The following ACKR2 variants were observed in gnomAD, a reference collection of about 807,000 sequenced individuals.
ACKR2 encodes the protein C-C chemokine receptor D6.
For missense variants in ACKR2, 457 were observed against 477.3 expected, an observed-to-expected ratio of 0.96 and a Z score of 0.40; for synonymous variants, 207 against 192.2, an observed-to-expected ratio of 1.08 and a Z score of -0.64.
intron 2 of ACKR2, among the ~76,000 whole-genome samples, chr3:42,862,416 G>A (rs1447977713): frequency 2.6e-5 from 4 of 152,092 alleles, no homozygotes; most frequent in South Asian, 4.1e-4. Flanking sequence ...AATGAATATC[G>A]TGAAAATGGC....
intron 2 of ACKR2, among the ~76,000 whole-genome samples, chr3:42,825,858 T>TTTG (rs1487775247): frequency 2.6e-4 from 26 of 100,444 alleles, no homozygotes; most frequent in South Asian, 7.5e-4. Context: ...TGGGTTTTTT[T>TTTG]TTTTTTGTTT....
chr3:42,813,666 G>C (rs887539947), intron 1 of ACKR2, among the ~76,000 whole-genome samples: 2 of 152,218 alleles, frequency 1.3e-5, no homozygotes, highest in African/African-American at 4.8e-5. Context: ...AATTTGACTT[G>C]AGATTTGGGT....
intron 2 of ACKR2, among the ~76,000 whole-genome samples, chr3:42,822,580 C>T (rs1345139638): frequency 2.6e-5 from 4 of 151,994 alleles, no homozygotes; most frequent in Admixed American, 1.3e-4. Context: ...AGGCTGGGTG[C>T]GGTGGCTCAC....
intron 2 of ACKR2, among the ~76,000 whole-genome samples, chr3:42,838,511 C>T (rs1701005664): frequency 6.6e-6 from 1 of 150,784 alleles, no homozygotes; most frequent in African/African-American, 2.4e-5. Context: ...ACTTCACATT[C>T]ATTATAATGG....
chr3:42,844,216 A>G (rs952135905), intron 2 of ACKR2, among the ~76,000 whole-genome samples: 1 of 152,236 alleles, frequency 6.6e-6, no homozygotes, highest in Non-Finnish European at 1.5e-5. Flanking sequence ...CTAACAGTTT[A>G]TCTGGAAGTT....
intron 2 of ACKR2, chr3:42,844,074 G>A (rs1185850244): frequency 6.6e-6 from 1 of 152,228 alleles, no homozygotes; most frequent in East Asian, 1.9e-4. Flanking sequence ...AGGTAGATAA[G>A]CATTGGAGGG....
At chr3:42,846,814 C>T (rs945900647) in intron 2 of ACKR2, among the ~76,000 whole-genome samples, 6 of 152,148 alleles carry the variant, frequency 3.9e-5, no homozygotes, top group African/African-American at 1.4e-4. Flanking sequence ...ACTGTGTGTC[C>T]AGTGCTGGCT....
In ACKR2 at chr3:42,864,459, C is replaced by G. The variant is rs200984403; in HGVS notation, c.-37-7C>G. 2 of 1,539,232 alleles carry G rather than the reference C, an allele frequency of 1.3e-6. No homozygotes were observed. Among genetic ancestry groups the G allele is most frequent in the Admixed American group, 4.1e-5 (2 of 49,034 alleles). Reference sequence around the variant, plus strand: ...ATGCTAGGTCTCACCATATTTTCCCCCCGCAGCACTACAGGACGTCGGGAC... The same window carrying G: ...ATGCTAGGTCTCACCATATTTTCCCGCCGCAGCACTACAGGACGTCGGGAC... On this transcript the variant is annotated splice_polypyrimidine_tract_variant and splice_region_variant and intron_variant, in intron 2 of 2. Coordinates refer to ENST00000422265, the MANE Select transcript of ACKR2 (RefSeq NM_001296.5).
chr3:42,815,158 G>A (rs184981909), intron 1 of ACKR2, among the ~76,000 whole-genome samples: 23 of 152,314 alleles, frequency 1.5e-4, no homozygotes, highest in Admixed American at 8.5e-4. Flanking sequence ...GTTGACAAGA[G>A]CAGAGGGCAT....
intron 1 of ACKR2, among the ~76,000 whole-genome samples, chr3:42,810,021 G>T (rs1001929962): frequency 1.3e-5 from 2 of 152,100 alleles, no homozygotes; most frequent in African/African-American, 4.8e-5. Flanking sequence ...TTGCTTCTGA[G>T]GCTGCTTCTG....
chr3:42,832,354 T>C (rs1427214707), intron 2 of ACKR2, among the ~76,000 whole-genome samples: 1 of 152,024 alleles, frequency 6.6e-6, no homozygotes, highest in Non-Finnish European at 1.5e-5. Context: ...CTGGGTATAG[T>C]GGTGGGCACC....
intron 2 of ACKR2, 76 bp from the exon 3 acceptor site, chr3:42,864,390 C>T (rs2125626328): frequency 7.5e-7 from 1 of 1,334,470 alleles, no homozygotes; most frequent in Non-Finnish European, 1.0e-6. Context: ...GTCTATTGGA[C>T]ATCCCAGGGC....
intron 2 of ACKR2, among the ~76,000 whole-genome samples, chr3:42,860,189 A>AAAAAAAAAAAAG (rs376833790): frequency 9.0e-6 from 1 of 111,520 alleles, no homozygotes; most frequent in African/African-American, 2.9e-5. Context: ...AAAAAAAAAA[A>AAAAAAAAAAAAG]GCAGGGGATG....
At chr3:42,812,018 G>A (rs1255124997) in intron 1 of ACKR2, among the ~76,000 whole-genome samples, 1 of 152,192 alleles carries the variant, frequency 6.6e-6, no homozygotes, top group East Asian at 1.9e-4. Flanking sequence ...AATAAATGCT[G>A]AAGGAACTCA....
rs2125609964 is a variant in ACKR2, at chr3:42,833,936, G to C, written c.-38+14225G>C. On this transcript the variant is annotated intron_variant, in intron 2 of 2. Transcript: ENST00000422265. The stretch of plus-strand genomic sequence containing the variant: ...TCTGTGTCACATTTTGGTAATTCAT[G>C]CAATATTTCAAACATTTTCATTATT... 2.0e-5 allele frequency among the ~76,000 whole-genome samples: 3 copies of C among 152,116 alleles called. No homozygotes were observed. The South Asian group carries it at 6.2e-4, about 32-fold the overall frequency.
At chr3:42,858,947 GA>G (rs772485981) in intron 2 of ACKR2, among the ~76,000 whole-genome samples, 5 of 151,928 alleles carry the variant, frequency 3.3e-5, no homozygotes, top group Non-Finnish European at 7.4e-5. Context: ...TCAACTTAAT[GA>G]AATAAAGTGT....
chr3:42,820,816 G>A (rs1365617201), intron 2 of ACKR2, among the ~76,000 whole-genome samples: 1 of 151,690 alleles, frequency 6.6e-6, no homozygotes, highest in Non-Finnish European at 1.5e-5. Flanking sequence ...GTGGGACTGG[G>A]CTAAGGTGCA....
rs375376109 is a variant in ACKR2, at chr3:42,865,102, C to T, written c.600C>T (p.Gly200=). Residue 200 remains glycine, a synonymous_variant, in exon 3 of 3, where the codon GGC becomes GGT. Coordinates refer to ENST00000422265, the MANE Select transcript of ACKR2 (RefSeq NM_001296.5). ...KGVWNCHADF[G]GHGTIWKLFL... ...TGTGGAACTGCCACGCAGATTTCGG[C>T]GGGCATGGGACCATTTGGAAGCTCT... 17 of 1,613,750 alleles carry T rather than the reference C, an allele frequency of 1.1e-5. No individual in the cohort carries two copies. The African/African-American group carries it at 1.5e-4, about 14-fold the overall frequency.
intron 2 of ACKR2, among the ~76,000 whole-genome samples, chr3:42,846,717 G>T (rs1701101847): frequency 6.6e-6 from 1 of 152,190 alleles, no homozygotes. Context: ...GAAGCGGTAA[G>T]ACCACTGTTA....
Sources: gnomAD v4.1 joint callset for allele counts (sites outside exome capture counted in the v4.1 genomes callset) on GRCh38, gnomAD v4.1.1 for gene constraint, MANE v1.5 for transcripts, NCBI Gene and HGNC (gene_info 2026-07-23, HGNC 2026-07-21) for gene names.